Variants in DCHS2 observed in about 807,000 individuals in gnomAD.
The protein encoded by DCHS2 is dachsous cadherin-related 2, also known as protocadherin-23.
A neutral mutation model predicts 182.4 loss-of-function variants in DCHS2; 142 were observed. The ratio of observed to expected loss-of-function variants is 0.78; its 90% CI spans 0.68 to 0.89. The LOEUF (loss-of-function observed/expected upper bound fraction) is 0.89, where lower values mean the gene tolerates loss of function less well. Among genes scored for constraint, DCHS2 ranks in the 40% least tolerant of loss-of-function variants. The pLI, the probability that DCHS2 is intolerant of heterozygous loss-of-function variation, is 0.00. For synonymous variants in DCHS2, 1,740 were observed against 1,663.3 expected (o/e 1.05, Z -1.12); for missense variants, 4,319 against 4,198.6 (o/e 1.03, Z -0.79).
At chr4:154,486,466 G>A (rs1210093905) in intron 1 of DCHS2, 2 of 1,304,458 alleles carry the variant, frequency 1.5e-6, no homozygotes, top group Non-Finnish European at 2.0e-6. Flanking sequence ...TGTTTTTCCT[G>A]TATTTCCTTT....
chr4:154,256,102 T>C (rs897699962), intron 15 of DCHS2, among the ~76,000 whole-genome samples: 1 of 152,180 alleles, frequency 6.6e-6, no homozygotes, highest in Non-Finnish European at 1.5e-5. Context: ...GAATTACCTA[T>C]AAAATTGGCT....
intron 7 of DCHS2, among the ~76,000 whole-genome samples, chr4:154,323,512 C>T (rs962699529): frequency 3.3e-5 from 5 of 152,082 alleles, no homozygotes; most frequent in Admixed American, 3.3e-4. Context: ...GTTGGCCCCC[C>T]ACTGATGCAC....
At chr4:154,270,063 T>C (rs1210750401) in intron 13 of DCHS2, 50 bp from the exon 14 acceptor site, 4 of 1,552,666 alleles carry the variant, frequency 2.6e-6, no homozygotes, top group East Asian at 4.6e-5. Context: ...AAAAATTTCA[T>C]GGAAACACAA....
intron 1 of DCHS2, among the ~76,000 whole-genome samples, chr4:154,488,918 G>A (rs113706465): frequency 7.4e-6 from 1 of 135,088 alleles, no homozygotes; most frequent in Non-Finnish European, 1.6e-5. Flanking sequence ...GTGTGTGTGT[G>A]TGTGTGTGTG....
chr4:154,289,976 C>T (rs930722729), intron 13 of DCHS2, among the ~76,000 whole-genome samples: 2 of 136,004 alleles, frequency 1.5e-5, no homozygotes, highest in Non-Finnish European at 3.2e-5. Flanking sequence ...TAAAGGACAT[C>T]CAAATTGGAA....
At position 154,280,923 on chromosome 4, in the gene DCHS2, G is replaced by A. The variant is rs183294936; in HGVS notation, c.6464-10910C>T. Among the ~76,000 whole-genome samples the A allele has an allele frequency of 2.0e-5, 3 of 151,934 alleles. No homozygotes were observed. In the East Asian group the frequency reaches 5.8e-4, roughly 29 times the overall value. On this transcript the variant is annotated intron_variant, in intron 13 of 19. Coordinates refer to ENST00000357232, the MANE Select transcript of DCHS2 (RefSeq NM_001358235.2). The stretch of plus-strand genomic sequence containing the variant: ...GTTCACTGCAACCTCTGCCTCCAAG[G>A]TTGAAGTGATTCTCCCACCTCAGCC...
At chr4:154,440,268 G>C (rs1579084716) in intron 1 of DCHS2, among the ~76,000 whole-genome samples, 1 of 152,182 alleles carries the variant, frequency 6.6e-6, no homozygotes, top group Non-Finnish European at 1.5e-5. Context: ...TAAAGAGGCT[G>C]ATGTACTAAA....
rs1560790232 is a variant in DCHS2 at position 154,490,399 on chromosome 4, G to A, written c.957C>T (p.Arg319=). 1 of 1,532,936 alleles carries A rather than the reference G, an allele frequency of 6.5e-7. No homozygotes were observed. The highest frequency in any genetic ancestry group is 8.7e-7 in the Non-Finnish European group (1 of 1,144,440). The allele number at this position is 1,532,936 out of a possible 1,614,324, so 95.0% of individuals were successfully genotyped here. A position where few individuals can be genotyped will look rare whatever the true frequency, so the allele number is the denominator to read the frequency against. ...TGGGCCCCAGGTCGCGGTCGGTGGC[G>A]CGCACGCGACAGACCTCGGCGCCCG... ...AQPGAEVCRV[R]ATDRDLGPNG... The change falls in exon 1 of 20, where the codon CGC becomes CGT. Residue 319 remains arginine, a synonymous_variant. Transcript: ENST00000357232.
Position 154,298,266 on chromosome 4 carries a change from A to G in DCHS2, c.6048T>C (p.Gly2016=), listed in dbSNP as rs560379786. 1.2e-6 allele frequency: 2 copies of G among 1,614,166 alleles called. No homozygotes were observed. Among genetic ancestry groups the G allele is most frequent in the African/African-American group, 1.3e-5 (1 of 75,038 alleles). ...SAVARDCSIQ[G]SRSTTVIIKV... Reference sequence around the variant, plus strand: ...TTATAATTACAGTGGTGCTTCGTGAACCCTGGATGCTACAGTCTCTGGCCA... The same window carrying G: ...TTATAATTACAGTGGTGCTTCGTGAGCCCTGGATGCTACAGTCTCTGGCCA... Residue 2016 remains glycine, a synonymous_variant, in exon 13 of 20, where the codon GGT becomes GGC. Transcript: ENST00000357232.
Position 154,282,144 on chromosome 4 carries a change from A to T in DCHS2, c.6464-12131T>A, listed in dbSNP as rs562495777. Reference sequence around the variant, plus strand: ...GATTCATTCTTTGGATATAAGACCAAAAGCATAGGCAACAAAAGCAAAAAA... The same window carrying T: ...GATTCATTCTTTGGATATAAGACCATAAGCATAGGCAACAAAAGCAAAAAA... On this transcript the variant is annotated intron_variant, in intron 13 of 19. Transcript: ENST00000357232. 1.6e-4 allele frequency among the ~76,000 whole-genome samples: 24 copies of T among 152,216 alleles called. 1 individual carries two copies. In the South Asian group the frequency reaches 5.0e-3, roughly 32 times the overall value.
rs1229175188 is a variant in DCHS2 at position 154,321,007 on chromosome 4, A to G, written c.4392T>C (p.Ser1464=). ...ATGTCGTCTCATAATCAAGTTCCTT[A>G]GAAAGAAACAAGTCTCCGGTTGAGC... ...IDSSTGDLFL[S]KELDYETTSH... is the part of the protein sequence containing the mutation. The change falls in exon 9 of 20, where the codon TCT becomes TCC. Residue 1464 remains serine (S), a synonymous_variant. Transcript: ENST00000357232. 6.2e-7 allele frequency: 1 copy of G among 1,613,910 alleles called. No homozygotes were observed. The highest frequency in any genetic ancestry group is 8.5e-7 in the Non-Finnish European group (1 of 1,179,974).
At chr4:154,335,407 T>C (rs924611689) in intron 3 of DCHS2, among the ~76,000 whole-genome samples, 5 of 152,212 alleles carry the variant, frequency 3.3e-5, no homozygotes, top group Non-Finnish European at 7.4e-5. Flanking sequence ...AGAGAATGGC[T>C]CCTGCTCCCA....
intron 1 of DCHS2, among the ~76,000 whole-genome samples, chr4:154,420,309 GTACA>G (rs1244328938): frequency 1.3e-4 from 19 of 145,160 alleles, no homozygotes; most frequent in African/African-American, 4.4e-4. Context: ...AGATACGTAC[GTACA>G]TACATACATA....
At chr4:154,401,545 G>T (rs1254827736) in intron 1 of DCHS2, among the ~76,000 whole-genome samples, 1 of 152,098 alleles carries the variant, frequency 6.6e-6, no homozygotes, top group Non-Finnish European at 1.5e-5. Flanking sequence ...ATATGTAGCA[G>T]GCCTTTTTAT....
At position 154,259,745 on chromosome 4, in the gene DCHS2, CAGTGAGTT is replaced by C. The variant is rs1425267463; in HGVS notation, c.6581_6588del (p.Gln2194ArgfsTer8). On this transcript the variant is annotated frameshift_variant, in exon 15 of 20. Transcript: ENST00000357232. LOFTEE classifies it high-confidence loss of function. ...AAATCAAGAAACTTGGGTTCTTTCA[CAGTGAGTT>C]GTCCTATTTTTATTTCCAAGGAGAA... The C allele has an allele frequency of 3.1e-6, 5 of 1,613,342 alleles. No homozygotes were observed. Among genetic ancestry groups the C allele is most frequent in the Non-Finnish European group, 4.2e-6 (5 of 1,179,776 alleles).
At chr4:154,253,861 A>AT (rs11419442) in intron 16 of DCHS2, among the ~76,000 whole-genome samples, 68,705 of 151,926 alleles carry the variant, frequency 0.45, 16,155 homozygotes, top group African/African-American at 0.58. Context: ...ACATATTATA[A>AT]TTTTTTCATA....
At chr4:154,391,128 T>C (rs1374943091) in intron 1 of DCHS2, 1 of 1,572,560 alleles carries the variant, frequency 6.4e-7, no homozygotes, top group Non-Finnish European at 8.7e-7. Flanking sequence ...AACAGACTTA[T>C]AAAAGCTGAT....
chr4:154,343,581 C>T (rs1410454247), intron 3 of DCHS2: 2 of 1,534,038 alleles, frequency 1.3e-6, no homozygotes, highest in East Asian at 2.5e-5. Context: ...TCCCTTAAAC[C>T]TCATGAACCA....
At chr4:154,391,891 G>T (rs544891264) in intron 1 of DCHS2, among the ~76,000 whole-genome samples, 8 of 152,254 alleles carry the variant, frequency 5.3e-5, no homozygotes, top group Admixed American at 4.6e-4. Flanking sequence ...AGACCATTGT[G>T]CAGAGTTACA....
Sources: gnomAD v4.1 joint callset for allele counts (sites outside exome capture counted in the v4.1 genomes callset) on GRCh38, gnomAD v4.1.1 for gene constraint, MANE v1.5 for transcripts, NCBI Gene and HGNC (gene_info 2026-07-23, HGNC 2026-07-21) for gene names.